NEGR1: variants seen among roughly 807,000 people sequenced by gnomAD.
The protein encoded by NEGR1 is IgLON family member 4.
A neutral mutation model predicts 40.9 loss-of-function variants in NEGR1; 10 were observed. That is an observed-to-expected ratio of 0.24 (90% CI 0.15 to 0.42). The LOEUF (loss-of-function observed/expected upper bound fraction) is 0.42, where lower values mean the gene tolerates loss of function less well. NEGR1 is among the 10% of genes least tolerant of loss of function. The pLI is 1.00. For missense variants in NEGR1, 352 were observed against 438.9 expected (o/e 0.80, Z 1.77); for synonymous variants, 185 against 166.8 (o/e 1.11, Z -0.84).
At chr1:71,430,729 C>CG (rs1557523180) in intron 6 of NEGR1, among the ~76,000 whole-genome samples, 1 of 104,866 alleles carries the variant, frequency 9.5e-6, no homozygotes, top group African/African-American at 3.8e-5. Flanking sequence ...TTTTTTGAGA[C>CG]GGAGTCTCGC....
intron 1 of NEGR1, among the ~76,000 whole-genome samples, chr1:72,010,343 T>C (rs1646645359): frequency 6.6e-6 from 1 of 152,002 alleles, no homozygotes; most frequent in South Asian, 2.1e-4. Flanking sequence ...GGAAAAGTAG[T>C]GCTGGATAAA....
At chr1:71,520,602 T>C (rs557751438) in intron 6 of NEGR1, among the ~76,000 whole-genome samples, 1 of 152,202 alleles carries the variant, frequency 6.6e-6, no homozygotes, top group South Asian at 2.1e-4. Context: ...GAACCCTTTT[T>C]TGGTTATTCA....
At chr1:72,192,596 A>G (rs1652857183) in intron 1 of NEGR1, among the ~76,000 whole-genome samples, 1 of 151,838 alleles carries the variant, frequency 6.6e-6, no homozygotes, top group African/African-American at 2.4e-5. Flanking sequence ...TGACTTTATG[A>G]GATGTATTTT....
At chr1:72,044,924 A>G (rs947110484) in intron 1 of NEGR1, among the ~76,000 whole-genome samples, 4 of 151,854 alleles carry the variant, frequency 2.6e-5, no homozygotes, top group African/African-American at 7.2e-5. Context: ...TACATATCCG[A>G]GGTCATGCTT....
chr1:71,695,588 G>T (rs1000553975), intron 4 of NEGR1, among the ~76,000 whole-genome samples: 4 of 151,732 alleles, frequency 2.6e-5, no homozygotes, highest in African/African-American at 7.2e-5. Flanking sequence ...CTATTCTAGA[G>T]TGTCTGACAC....
chr1:71,821,270 C>A (rs2101776655), intron 2 of NEGR1, among the ~76,000 whole-genome samples: 1 of 152,014 alleles, frequency 6.6e-6, no homozygotes, highest in East Asian at 2.0e-4. Flanking sequence ...GCCAGATGAG[C>A]AAGAGGTAGC....
chr1:71,828,692 T>C (rs190800225), intron 2 of NEGR1, among the ~76,000 whole-genome samples: 1 of 152,100 alleles, frequency 6.6e-6, no homozygotes, highest in Admixed American at 6.6e-5. Flanking sequence ...CCTATTGCCA[T>C]CAGAGACCAA....
intron 6 of NEGR1, among the ~76,000 whole-genome samples, chr1:71,534,986 TG>T (rs1367273597): frequency 6.6e-6 from 1 of 151,664 alleles, no homozygotes; most frequent in Non-Finnish European, 1.5e-5. Context: ...AAAATTTTTT[TG>T]TGACTATTAT....
chr1:71,590,961 C>T (rs1265557433), intron 6 of NEGR1, among the ~76,000 whole-genome samples: 1 of 152,078 alleles, frequency 6.6e-6, no homozygotes, highest in Non-Finnish European at 1.5e-5. Context: ...AATAACTAAT[C>T]AGACATAGAT....
intron 1 of NEGR1, among the ~76,000 whole-genome samples, chr1:72,174,484 C>G (rs1263105908): frequency 6.6e-6 from 1 of 152,086 alleles, no homozygotes; most frequent in Non-Finnish European, 1.5e-5. Context: ...TGTGTGCTGT[C>G]TATTCATTTC....
chr1:72,023,667 A>AAATAATTACTGAACAAAAGAAC (rs144071741), intron 1 of NEGR1, among the ~76,000 whole-genome samples: 1 of 151,308 alleles, frequency 6.6e-6, no homozygotes, highest in Non-Finnish European at 1.5e-5. Flanking sequence ...AAAACTTAAC[A>AAATAATTACTGAACAAAAGAAC]AATAACACAA....
intron 4 of NEGR1, among the ~76,000 whole-genome samples, chr1:71,684,114 C>CA (rs1050371609): frequency 6.6e-6 from 1 of 151,786 alleles, no homozygotes; most frequent in Non-Finnish European, 1.5e-5. Flanking sequence ...ACTAAAAATA[C>CA]AAAAAATTAG....
intron 2 of NEGR1, among the ~76,000 whole-genome samples, chr1:71,932,349 A>C (rs2101895130): frequency 6.6e-6 from 1 of 151,992 alleles, no homozygotes; most frequent in African/African-American, 2.4e-5. Flanking sequence ...TGGACCTTAA[A>C]GACCTTCTTG....
At chr1:72,058,204 C>G (rs1328219065) in intron 1 of NEGR1, among the ~76,000 whole-genome samples, 2 of 151,424 alleles carry the variant, frequency 1.3e-5, no homozygotes, top group Non-Finnish European at 3.0e-5. Context: ...TATGATATAA[C>G]TCAGTCAAGT....
At chr1:72,211,471 G>A (rs756707770) in intron 1 of NEGR1, among the ~76,000 whole-genome samples, 3 of 151,512 alleles carry the variant, frequency 2.0e-5, no homozygotes, top group Admixed American at 6.6e-5. Context: ...GGTGAGCCAA[G>A]ATTTTCTTTC....
chr1:72,163,354 A>T (rs191270503), intron 1 of NEGR1, among the ~76,000 whole-genome samples: 1 of 152,292 alleles, frequency 6.6e-6, no homozygotes, highest in Admixed American at 6.5e-5. Flanking sequence ...CTTTTTATTA[A>T]CTACTGTATG....
At chr1:72,164,069 A>G (rs1337600041) in intron 1 of NEGR1, among the ~76,000 whole-genome samples, 1 of 151,860 alleles carries the variant, frequency 6.6e-6, no homozygotes, top group Non-Finnish European at 1.5e-5. Flanking sequence ...TGGATGGGAA[A>G]GGAGGCTTCC....
intron 2 of NEGR1, among the ~76,000 whole-genome samples, chr1:71,917,549 G>GGGAGGC (rs1661618819): frequency 6.6e-6 from 1 of 152,030 alleles, no homozygotes; most frequent in East Asian, 1.9e-4. Flanking sequence ...CCAGCACTTT[G>GGGAGGC]GGAGGCGGAG....
intron 1 of NEGR1, among the ~76,000 whole-genome samples, chr1:72,250,439 T>A (rs1300414342): frequency 6.6e-6 from 1 of 152,090 alleles, no homozygotes; most frequent in Non-Finnish European, 1.5e-5. Context: ...AGGAAAAAAA[T>A]GACTGTTTGT....
Sources: allele counts gnomAD v4.1 joint callset (sites outside exome capture counted in the v4.1 genomes callset), GRCh38; gene constraint gnomAD v4.1.1; transcripts MANE v1.5; gene names NCBI Gene and HGNC (gene_info 2026-07-23, HGNC 2026-07-21).